Variants in SALL3 observed in about 807,000 individuals in gnomAD.
SALL3 encodes sal-like protein 3.
In SALL3, 25 loss-of-function variants were observed where a neutral mutation model predicts 66.2. That is an observed-to-expected ratio of 0.38 (90% CI 0.28 to 0.53). The LOEUF is 0.53. Ranked by LOEUF, SALL3 falls within the 20% of genes least tolerant of loss-of-function variation. SALL3 has a pLI of 0.85. For missense variants in SALL3, 2,194 were observed against 1,916.5 expected (o/e 1.14, Z -2.70); for synonymous variants, 1,152 against 899.1 (o/e 1.28, Z -5.03).
chr18:78,994,007 CAAG>C lies in SALL3; in HGVS notation c.2021_2023del (p.Lys674del), dbSNP rs1487262974. The C allele has an allele frequency of 1.9e-6, 3 of 1,612,356 alleles. No homozygotes were observed. The highest frequency in any genetic ancestry group is 2.2e-5 in the East Asian group (1 of 44,862). ...TGCAGCAGCTGGTGGAGAACATCGA[CAAG>C]AAGATGACGGACCCGAACCAGTGCG... On this transcript the variant is annotated inframe_deletion, in exon 2 of 3. Coordinates refer to ENST00000537592, the MANE Select transcript of SALL3 (RefSeq NM_171999.4).
chr18:78,993,106 T>A lies in SALL3; in HGVS notation c.1115T>A (p.Ile372Asn), dbSNP rs759168560. ...LLPQTSASGV[I>N]FPNPLVSIAA... ...CCTCAGACTTCCGCCAGCGGCGTCATCTTCCCCAACCCGCTGGTCAGCATC... is the reference window on the plus strand; with the variant it reads ...CCTCAGACTTCCGCCAGCGGCGTCAACTTCCCCAACCCGCTGGTCAGCATC... Residue 372 changes from isoleucine to asparagine, a missense_variant, in exon 2 of 3, where the codon ATC becomes AAC. Ile to Asn is a moderately radical substitution (Grantham distance 149). Transcript: ENST00000537592. 1.2e-6 allele frequency: 2 copies of A among 1,603,312 alleles called. No individual in the cohort carries two copies.
Position 78,995,314 on chromosome 18 carries a change from G to A in SALL3, c.3323G>A (p.Arg1108Gln). Residue 1108 changes from arginine to glutamine, a missense_variant, in exon 2 of 3, where the codon CGG (arginine) becomes CAG (glutamine). By Grantham distance (43) the Arg-to-Gln change is conservative. Transcript: ENST00000537592. ...CCCATGCTGGCCCCCCCACCGCGCC[G>A]GACGCCCAAGCAGCACAACTGCCAG... is the stretch of plus-strand genomic sequence containing the variant. ...LAPMLAPPPRRTPKQHNCQSC... is the reference protein window; with the variant it reads ...LAPMLAPPPRQTPKQHNCQSC... 1.3e-6 allele frequency: 2 copies of A among 1,568,416 alleles called. No homozygotes were observed. Among genetic ancestry groups the A allele is most frequent in the African/African-American group, 1.3e-5 (1 of 74,606 alleles).
chr18:78,992,055 C>A lies in SALL3; in HGVS notation c.83-19C>A. 7.1e-7 allele frequency: 1 copy of A among 1,417,170 alleles called. No individual in the cohort carries two copies. Among genetic ancestry groups the A allele is most frequent in the South Asian group, 1.5e-5 (1 of 64,808 alleles). The allele number at this position is 1,417,170 out of a possible 1,614,324, so 87.8% of individuals were successfully genotyped here. A position where few individuals can be genotyped will look rare whatever the true frequency, so the allele number is the denominator to read the frequency against. On this transcript the variant is annotated intron_variant, in intron 1 of 2. Coordinates refer to ENST00000537592, the MANE Select transcript of SALL3 (RefSeq NM_171999.4). ...GGCGGGCGCCGAGCCCCGGCTGACT[C>A]ACTCTCTTGGTCTTGCAGCCGCCCC...
rs1914612901 is a variant in SALL3 at position 78,994,600 on chromosome 18, G to A, written c.2609G>A (p.Gly870Glu). The A allele has an allele frequency of 6.2e-7, 1 of 1,610,130 alleles. No individual in the cohort carries two copies. The highest frequency in any genetic ancestry group is 1.7e-5 in the Admixed American group (1 of 59,910). The change falls in exon 2 of 3, where the codon GGG (glycine) becomes GAG (glutamate). Residue 870 changes from glycine to glutamate, a missense_variant. Transcript: ENST00000537592. The stretch of plus-strand genomic sequence containing the variant: ...CTCAAGTCCGTGGAGAACGGGTCCG[G>A]GGAGAGTGACCGCCTGAGCAACGAC... ...TGLKSVENGS[G>E]ESDRLSNDSS...
chr18:78,989,358 G>C (rs1218197385), intron 1 of SALL3, among the ~76,000 whole-genome samples: 1 of 152,120 alleles, frequency 6.6e-6, no homozygotes, highest in Non-Finnish European at 1.5e-5. Flanking sequence ...GTTTGGGTCA[G>C]GACCTTTGCA....
In SALL3 at chr18:78,997,387, C is replaced by T. The variant is rs1914735696; in HGVS notation, c.*65C>T. ...TGAAGTTGGAGCATCAGGCCTCCGA[C>T]CTTTCTTGCCTCGGTTCTCATTACA... On this transcript the variant is annotated 3_prime_UTR_variant, in exon 3 of 3. Coordinates refer to ENST00000537592, the MANE Select transcript of SALL3 (RefSeq NM_171999.4). The T allele has an allele frequency of 1.4e-6, 2 of 1,481,154 alleles. No homozygotes were observed. The highest frequency in any genetic ancestry group is 3.6e-5 in the Admixed American group (2 of 55,982). The allele number at this position is 1,481,154 out of a possible 1,614,324, so 91.8% of individuals were successfully genotyped here.
chr18:78,992,454 C>T lies in SALL3; in HGVS notation c.463C>T (p.Pro155Ser), dbSNP rs945214417. Residue 155 changes from proline (P) to serine (S), a missense_variant, in exon 2 of 3, where the codon CCA becomes TCA. Physicochemically the swap from Pro to Ser is moderately conservative, Grantham distance 74. Transcript: ENST00000537592. ...PRPPPAAPAP[P>S]TPAYGAPSTN... Reference sequence around the variant, plus strand: ...GCCCCCGCCTGCGGCCCCTGCACCCCCAACGCCCGCCTACGGCGCGCCCAG... The same window carrying T: ...GCCCCCGCCTGCGGCCCCTGCACCCTCAACGCCCGCCTACGGCGCGCCCAG... 29 of 1,431,556 alleles carry T rather than the reference C, an allele frequency of 2.0e-5. No individual in the cohort carries two copies. The Admixed American group carries it at 4.3e-4, about 21-fold the overall frequency. The allele number at this position is 1,431,556 out of a possible 1,614,324, so 88.7% of individuals were successfully genotyped here. A position where few individuals can be genotyped will look rare whatever the true frequency, so the allele number is the denominator to read the frequency against.
intron 1 of SALL3, among the ~76,000 whole-genome samples, chr18:78,983,965 CAGAG>C (rs958195559): frequency 5.9e-5 from 9 of 152,052 alleles, no homozygotes; most frequent in East Asian, 1.9e-4. Context: ...TCCCAGCTTG[CAGAG>C]AGAGAGAGCT....
Position 78,998,858 on chromosome 18 carries a change from C to G in SALL3, c.*1536C>G, listed in dbSNP as rs780493203. ...TGAGCTGCATCCAGCCAGGAGGGCC[C>G]CGGAGGCTGGGGCGGCCGAGGCAGC... is the stretch of plus-strand genomic sequence containing the variant. On this transcript the variant is annotated 3_prime_UTR_variant, in exon 3 of 3. Coordinates refer to ENST00000537592, the MANE Select transcript of SALL3 (RefSeq NM_171999.4). 1 of 152,246 alleles carries G rather than the reference C, an allele frequency of 6.6e-6. No homozygotes were observed. Among genetic ancestry groups the G allele is most frequent in the African/African-American group, 2.4e-5 (1 of 41,444 alleles). 9.4% of individuals were successfully genotyped at this position (152,246 alleles called of 1,614,324 possible).
At position 78,995,430 on chromosome 18, in the gene SALL3, G is replaced by A. The variant is rs1455914542; in HGVS notation, c.3439G>A (p.Gly1147Ser). The change falls in exon 2 of 3, where the codon GGC becomes AGC. Residue 1147 changes from glycine (G) to serine (S), a missense_variant. Gly to Ser is a moderately conservative substitution (Grantham distance 56). Transcript: ENST00000537592. Reference protein sequence around the residue: ...GEKPFGCTICGRAFTTKGNLK... With the variant: ...GEKPFGCTICSRAFTTKGNLK... ...GAAGCCGTTCGGCTGCACCATCTGCGGCCGGGCCTTCACCACTAAGGGCAA... is the reference window on the plus strand; with the variant it reads ...GAAGCCGTTCGGCTGCACCATCTGCAGCCGGGCCTTCACCACTAAGGGCAA... 2.5e-6 allele frequency: 4 copies of A among 1,584,250 alleles called. No homozygotes were observed. The highest frequency in any genetic ancestry group is 3.4e-6 in the Non-Finnish European group (4 of 1,173,128).
chr18:78,981,472 T>A (rs1330135875), intron 1 of SALL3, among the ~76,000 whole-genome samples: 1 of 152,154 alleles, frequency 6.6e-6, no homozygotes, highest in African/African-American at 2.4e-5. Context: ...AATGAGACTG[T>A]CTGCGAAAAG....
Position 78,994,058 on chromosome 18 carries a change from C to G in SALL3, c.2067C>G (p.Ser689Arg). 1 of 1,612,954 alleles carries G rather than the reference C, an allele frequency of 6.2e-7. No individual in the cohort carries two copies. Among genetic ancestry groups the G allele is most frequent in the Non-Finnish European group, 8.5e-7 (1 of 1,179,948 alleles). The change falls in exon 2 of 3, where the codon AGC becomes AGG. Residue 689 changes from serine to arginine, a missense_variant. Ser to Arg is a moderately radical substitution (Grantham distance 110). Transcript: ENST00000537592. ...GCGTCATCTGCCACCGGGTGCTGAG[C>G]TGCCAGAGCGCGCTGAAGATGCACT... is the stretch of plus-strand genomic sequence containing the variant. ...NQCVICHRVLSCQSALKMHYR... is the reference protein window; with the variant it reads ...NQCVICHRVLRCQSALKMHYR...
At chr18:78,995,533 C>T (rs1599183686) in intron 2 of SALL3, 71 bp downstream of exon 2, 1 of 1,485,430 alleles carries the variant, frequency 6.7e-7, no homozygotes. Flanking sequence ...CATCACCTGC[C>T]GCAGACACAG....
rs769002198 is a variant in SALL3, at chr18:78,995,235, G to A, written c.3244G>A (p.Ala1082Thr). 4.4e-6 allele frequency: 7 copies of A among 1,603,672 alleles called. No homozygotes were observed. Among genetic ancestry groups the A allele is most frequent in the Non-Finnish European group, 5.9e-6 (7 of 1,179,134 alleles). The change falls in exon 2 of 3, where the codon GCG becomes ACG. Residue 1082 changes from alanine to threonine, a missense_variant. Physicochemically the swap from Ala to Thr is moderately conservative, Grantham distance 58 (BLOSUM62 0). Transcript: ENST00000537592. ...MALGEGPPLPAGVQVPAGPQT... is the reference protein window; with the variant it reads ...MALGEGPPLPTGVQVPAGPQT... Reference sequence around the variant, plus strand: ...GCTGGGCGAGGGTCCCCCGCTGCCCGCGGGCGTCCAGGTCCCCGCCGGGCC... The same window carrying A: ...GCTGGGCGAGGGTCCCCCGCTGCCCACGGGCGTCCAGGTCCCCGCCGGGCC...
chr18:78,980,188 CGCGCCCGCCAGGCCGCCCCGCGCCGT>C lies in SALL3; in HGVS notation c.-86_-61del. The C allele has an allele frequency of 2.1e-6, 1 of 482,432 alleles. No individual in the cohort carries two copies. The allele number at this position is 482,432 out of a possible 1,614,324, so 29.9% of individuals were successfully genotyped here. A position where few individuals can be genotyped will look rare whatever the true frequency, so the allele number is the denominator to read the frequency against. ...CGCCGCCGCCCCGCGCCCCGCGCCG[CGCGCCCGCCAGGCCGCCCCGCGCCGT>C]CCCCGCCGGCCGCCCCGCTGATGCC... is the stretch of plus-strand genomic sequence containing the variant. On this transcript the variant is annotated 5_prime_UTR_variant, in exon 1 of 3. It removes the in-frame stop codon of an upstream open reading frame in the 5' UTR. Coordinates refer to ENST00000537592, the MANE Select transcript of SALL3 (RefSeq NM_171999.4).
intron 1 of SALL3, among the ~76,000 whole-genome samples, chr18:78,980,950 GCTGGGGGTGAGCGCAGCGGCGGCGGC>G (rs1914039404): frequency 6.6e-6 from 1 of 152,240 alleles, no homozygotes; most frequent in Non-Finnish European, 1.5e-5. Context: ...GGGGAATTAA[GCTGGGGGTGAGCGCAGCGGCGGCGGC>G]CTGGGCCTGG....
At position 78,993,938 on chromosome 18, in the gene SALL3, C is replaced by A. The variant is rs766775310; in HGVS notation, c.1947C>A (p.Phe649Leu). The change falls in exon 2 of 3, where the codon TTC becomes TTA. Residue 649 changes from phenylalanine to leucine, a missense_variant. By Grantham distance (22) the Phe-to-Leu change is conservative. Coordinates refer to ENST00000537592, the MANE Select transcript of SALL3 (RefSeq NM_171999.4). ...AGCAGTTCAAGGCCCAGTTTCCGTT[C>A]GGGGGGCTGCTAGACTCGATGCAAA... is the stretch of plus-strand genomic sequence containing the variant. ...VSEQFKAQFP[F>L]GGLLDSMQTS... 5 of 1,608,784 alleles carry A rather than the reference C, an allele frequency of 3.1e-6. No individual in the cohort carries two copies. The highest frequency in any genetic ancestry group is 4.2e-6 in the Non-Finnish European group (5 of 1,178,104).
rs1262242047 is a variant in SALL3, at chr18:78,993,034, C to G, written c.1043C>G (p.Pro348Arg). Residue 348 changes from proline (P) to arginine (R), a missense_variant, in exon 2 of 3, where the codon CCG (proline) becomes CGG (arginine). By Grantham distance (103) the Pro-to-Arg change is moderately radical. Coordinates refer to ENST00000537592, the MANE Select transcript of SALL3 (RefSeq NM_171999.4). The stretch of plus-strand genomic sequence containing the variant: ...GCATCCACGCCGCCTGCCCTGGCCC[C>G]GGGGTCCCTGCTGGGTGCGGCGCCC... ...QSASTPPALA[P>R]GSLLGAAPGL... 4 of 1,570,932 alleles carry G rather than the reference C, an allele frequency of 2.5e-6. No individual in the cohort carries two copies. Among genetic ancestry groups the G allele is most frequent in the Non-Finnish European group, 2.6e-6 (3 of 1,166,042 alleles).
At chr18:78,985,415 G>A (rs976702052) in intron 1 of SALL3, among the ~76,000 whole-genome samples, 2 of 152,182 alleles carry the variant, frequency 1.3e-5, no homozygotes, top group African/African-American at 4.8e-5. Context: ...GCACTTTGTC[G>A]TGATTCGTCG....
Sources: gnomAD v4.1 joint callset for allele counts (sites outside exome capture counted in the v4.1 genomes callset) on GRCh38, gnomAD v4.1.1 for gene constraint, MANE v1.5 for transcripts, NCBI Gene and HGNC (gene_info 2026-07-23, HGNC 2026-07-21) for gene names.